Variants in PCDH9 observed in about 807,000 individuals in gnomAD.
PCDH9 encodes the protein protocadherin-9.
Under a neutral mutation model 70.6 loss-of-function variants are expected in PCDH9, and 24 were observed. That is an observed-to-expected ratio of 0.34 (90% CI 0.25 to 0.48). The LOEUF (loss-of-function observed/expected upper bound fraction) is 0.48, where lower values mean the gene tolerates loss of function less well. Ranked by LOEUF, PCDH9 falls within the 20% of genes least tolerant of loss-of-function variation. PCDH9 has a pLI of 0.99. For synonymous variants in PCDH9, 562 were observed against 558.5 expected (o/e 1.01, Z -0.09); for missense variants, 1,281 against 1,503.6 (o/e 0.85, Z 2.45).
intron 4 of PCDH9, among the ~76,000 whole-genome samples, chr13:66,357,267 C>T (rs990640507): frequency 7.2e-5 from 11 of 151,924 alleles, no homozygotes; most frequent in African/African-American, 2.4e-4. Context: ...GCATTTACAT[C>T]AGGAGGCGTG....
At chr13:66,676,703 T>G (rs547583200) in intron 3 of PCDH9, among the ~76,000 whole-genome samples, 1 of 152,114 alleles carries the variant, frequency 6.6e-6, no homozygotes, top group East Asian at 1.9e-4. Context: ...ATCTATCTAT[T>G]GACCAATCTC....
intron 3 of PCDH9, among the ~76,000 whole-genome samples, chr13:66,789,524 G>T (rs1027789562): frequency 2.0e-5 from 3 of 151,394 alleles, no homozygotes; most frequent in Admixed American, 6.6e-5. Flanking sequence ...TTTTTTTCCA[G>T]CTAGGAACAT....
intron 3 of PCDH9, among the ~76,000 whole-genome samples, chr13:66,792,250 A>G (rs2080174966): frequency 1.3e-5 from 2 of 152,240 alleles, no homozygotes; most frequent in South Asian, 4.1e-4. Context: ...AACTGGATAA[A>G]TTATTCCAAG....
chr13:67,194,643 T>A (rs1282239640), intron 2 of PCDH9, among the ~76,000 whole-genome samples: 4 of 152,198 alleles, frequency 2.6e-5, no homozygotes, highest in African/African-American at 9.6e-5. Flanking sequence ...ACAATAATAT[T>A]CATATTTATT....
intron 2 of PCDH9, among the ~76,000 whole-genome samples, chr13:66,930,620 T>C (rs1330203072): frequency 6.6e-6 from 1 of 152,182 alleles, no homozygotes; most frequent in African/African-American, 2.4e-5. Flanking sequence ...GCCATTCATC[T>C]ATTAATGATC....
intron 3 of PCDH9, among the ~76,000 whole-genome samples, chr13:66,713,419 T>A (rs1472014575): frequency 6.6e-6 from 1 of 151,498 alleles, no homozygotes; most frequent in African/African-American, 2.4e-5. Flanking sequence ...CTCTTGGATT[T>A]TTCTTTTTTT....
intron 4 of PCDH9, among the ~76,000 whole-genome samples, chr13:66,478,469 C>T (rs1958773649): frequency 6.6e-6 from 1 of 152,190 alleles, no homozygotes; most frequent in African/African-American, 2.4e-5. Context: ...AAAGCTAGGC[C>T]TCTTGTGCCA....
At position 66,798,419 on chromosome 13, in the gene PCDH9, G is replaced by T. The variant is rs560952504; in HGVS notation, c.3138+105085C>A. Among the ~76,000 whole-genome samples, 8 of 152,176 alleles carry T rather than the reference G, an allele frequency of 5.3e-5. 2 individuals are homozygous for T. The highest frequency in any genetic ancestry group is 1.9e-4 in the African/African-American group (8 of 41,508). On this transcript the variant is annotated intron_variant, in intron 3 of 4. Coordinates refer to ENST00000377865, the MANE Select transcript of PCDH9 (RefSeq NM_203487.3). ...TCCTCTGGAGTATATGCAGGCATAG[G>T]TGTGCACAGACACTGAATCTAGACA...
chr13:66,630,036 C>T (rs553466261), intron 4 of PCDH9, among the ~76,000 whole-genome samples: 33 of 152,166 alleles, frequency 2.2e-4, no homozygotes, highest in African/African-American at 7.5e-4. Flanking sequence ...ATGTTTGAAA[C>T]AATAAGAAGC....
In PCDH9 at chr13:66,460,684, G is replaced by T. The variant is rs116425614; in HGVS notation, c.3341-155656C>A. On this transcript the variant is annotated intron_variant, in intron 4 of 4. Coordinates refer to ENST00000377865, the MANE Select transcript of PCDH9 (RefSeq NM_203487.3). ...AATAAAGATACCTGGAATTTTAAGT[G>T]ACTTTTTCCAAGGTCACACAGATGA... Among the ~76,000 whole-genome samples the T allele has an allele frequency of 8.8e-3, 1,331 of 151,922 alleles. 17 individuals carry two copies. The highest frequency in any genetic ancestry group is 0.029 in the African/African-American group (1,224 of 41,504).
intron 3 of PCDH9, among the ~76,000 whole-genome samples, chr13:66,672,821 T>C (rs1365933378): frequency 6.6e-6 from 1 of 152,210 alleles, no homozygotes; most frequent in Non-Finnish European, 1.5e-5. Context: ...CTGGGTCCTG[T>C]AGCCCCTTCA....
intron 4 of PCDH9, among the ~76,000 whole-genome samples, chr13:66,481,667 T>C (rs1424610378): frequency 2.0e-5 from 3 of 152,212 alleles, no homozygotes; most frequent in Admixed American, 2.0e-4. Context: ...AACTATGTAC[T>C]GTCATTTAAA....
chr13:66,431,447 T>C (rs970197849), intron 4 of PCDH9, among the ~76,000 whole-genome samples: 15 of 152,024 alleles, frequency 9.9e-5, no homozygotes, highest in Non-Finnish European at 1.9e-4. Flanking sequence ...GAATCTGTTT[T>C]GATTCCACTC....
chr13:66,323,084 T>C (rs956747468), intron 4 of PCDH9: 1 of 152,066 alleles, frequency 6.6e-6, no homozygotes, highest in Non-Finnish European at 1.5e-5. Context: ...TTTTCCTTTC[T>C]TGACAAGATT....
chr13:67,098,089 G>T (rs953123430), intron 2 of PCDH9, among the ~76,000 whole-genome samples: 1 of 152,034 alleles, frequency 6.6e-6, no homozygotes, highest in African/African-American at 2.4e-5. Context: ...ATATCACTGG[G>T]ACACTAAAAA....
At chr13:66,632,618 G>T (rs148643243) in intron 3 of PCDH9, among the ~76,000 whole-genome samples, 205 of 152,214 alleles carry the variant, frequency 1.3e-3, no homozygotes, top group Non-Finnish European at 2.4e-3. Flanking sequence ...ACATTTTAAT[G>T]TTTCCTCAGC....
intron 2 of PCDH9, among the ~76,000 whole-genome samples, chr13:66,935,331 C>T (rs1682378889): frequency 6.6e-6 from 1 of 152,166 alleles, no homozygotes; most frequent in Non-Finnish European, 1.5e-5. Context: ...GCTGGGATTA[C>T]AGGCCTGAGT....
At chr13:66,589,896 T>C (rs976998272) in intron 4 of PCDH9, among the ~76,000 whole-genome samples, 1 of 152,098 alleles carries the variant, frequency 6.6e-6, no homozygotes, top group South Asian at 2.1e-4. Context: ...ACACAGATAT[T>C]AATAAGAAGA....
intron 3 of PCDH9, among the ~76,000 whole-genome samples, chr13:66,827,846 C>T (rs1249702918): frequency 6.6e-6 from 1 of 152,102 alleles, no homozygotes; most frequent in East Asian, 1.9e-4. Flanking sequence ...TAGTCTTTTA[C>T]ATTCCCAATC....
Sources: allele counts gnomAD v4.1 joint callset (sites outside exome capture counted in the v4.1 genomes callset), GRCh38; gene constraint gnomAD v4.1.1; transcripts MANE v1.5; gene names NCBI Gene and HGNC (gene_info 2026-07-23, HGNC 2026-07-21).